The following PNPLA7 variants were observed in gnomAD, a reference collection of about 807,000 sequenced individuals.
PNPLA7 encodes the protein patatin-like phospholipase domain-containing protein 7.
In PNPLA7, 153 loss-of-function variants were observed where a neutral mutation model predicts 161.7. That is an observed-to-expected ratio of 0.95 (90% CI 0.83 to 1.08). PNPLA7 has a LOEUF of 1.08. Ranked by LOEUF, PNPLA7 falls within the 50% of genes least tolerant of loss-of-function variation. The pLI is 0.00. For synonymous variants in PNPLA7, 809 were observed against 782.1 expected (o/e 1.03, Z -0.57); for missense variants, 1,739 against 1,856.6 (o/e 0.94, Z 1.16).
At position 137,462,027 on chromosome 9, in the gene PNPLA7, C is replaced by T; in HGVS notation, c.3660G>A (p.Gln1220=). The T allele has an allele frequency of 1.3e-6, 2 of 1,597,246 alleles. No homozygotes were observed. The highest frequency in any genetic ancestry group is 8.5e-7 in the Non-Finnish European group (1 of 1,173,106). The part of the protein sequence containing the change: ...KFNEICEVGY[Q]HGRTVFDIWG... ...AGATGTCAAACACCGTGCGCCCGTG[C>T]TGGTAGCCCACTTCCTGTGCACACC... The change falls in exon 32 of 35, where the codon CAG becomes CAA. Residue 1220 remains glutamine (Q), a synonymous_variant. Coordinates refer to ENST00000406427, the MANE Select transcript of PNPLA7 (RefSeq NM_001098537.3).
chr9:137,526,707 T>C (rs1050249208), intron 8 of PNPLA7, among the ~76,000 whole-genome samples: 5 of 152,214 alleles, frequency 3.3e-5, no homozygotes, highest in South Asian at 2.1e-4. Flanking sequence ...AGTTTGCAGT[T>C]TTGGATGCTA....
At position 137,490,826 on chromosome 9, in the gene PNPLA7, C is replaced by T. The variant is rs1024786543; in HGVS notation, c.2197+2187G>A. Among the ~76,000 whole-genome samples the T allele has an allele frequency of 2.6e-5, 4 of 152,154 alleles. No homozygotes were observed. The highest frequency in any genetic ancestry group is 9.7e-5 in the African/African-American group (4 of 41,432). Reference sequence around the variant, plus strand: ...TGATGGCTGAAAGCGAAAGTTGTAGCCCTGTGTTTTTGGGGCTACAGTTTG... The same window carrying T: ...TGATGGCTGAAAGCGAAAGTTGTAGTCCTGTGTTTTTGGGGCTACAGTTTG... On this transcript the variant is annotated intron_variant, in intron 20 of 34. Coordinates refer to ENST00000406427, the MANE Select transcript of PNPLA7 (RefSeq NM_001098537.3). This position sits in a 1 kb window ranked among gnomAD's most constrained non-coding sequence, Gnocchi z 4.1.
intron 11 of PNPLA7, 117 bp downstream of exon 11, chr9:137,519,800 G>T: frequency 7.3e-7 from 1 of 1,361,364 alleles, no homozygotes; most frequent in Non-Finnish European, 9.9e-7. Context: ...GGTGACCCGG[G>T]GATGTGTGTG....
chr9:137,463,063 G>A (rs1345843311), intron 29 of PNPLA7: 1 of 649,198 alleles, frequency 1.5e-6, no homozygotes. Flanking sequence ...GGAGTGGCCT[G>A]GCCTGGCCCC....
At chr9:137,498,307 C>T (rs534991080) in intron 16 of PNPLA7, 62 bp from the exon 17 acceptor site, 11 of 1,589,360 alleles carry the variant, frequency 6.9e-6, no homozygotes, top group East Asian at 6.7e-5. Context: ...CGCCCAGGGC[C>T]GCAGTGCTCG....
chr9:137,463,149 G>T (rs954077327), intron 29 of PNPLA7: 4 of 587,370 alleles, frequency 6.8e-6, no homozygotes, highest in African/African-American at 1.9e-5. Flanking sequence ...CCAGTTCCTC[G>T]ACTTGGCCTT....
intron 12 of PNPLA7, among the ~76,000 whole-genome samples, chr9:137,513,806 C>T (rs1172103191): frequency 1.3e-5 from 2 of 152,218 alleles, no homozygotes; most frequent in Non-Finnish European, 2.9e-5. Context: ...CTACCTACAG[C>T]ACATAAAGAA....
At chr9:137,474,002 G>A (rs944086384) in intron 25 of PNPLA7, among the ~76,000 whole-genome samples, 1 of 152,200 alleles carries the variant, frequency 6.6e-6, no homozygotes, top group Non-Finnish European at 1.5e-5. Flanking sequence ...ACTTTGTGAG[G>A]CCGAGGTGGG....
At chr9:137,491,585 T>G in intron 20 of PNPLA7, 1 of 985,318 alleles carries the variant, frequency 1.0e-6, no homozygotes, top group South Asian at 4.7e-5. Context: ...CGTGTTAGTG[T>G]CCCCCCAAAT....
At position 137,461,592 on chromosome 9, in the gene PNPLA7, G is replaced by A. The variant is rs764934229; in HGVS notation, c.3785C>T (p.Thr1262Met). 9.3e-6 allele frequency: 15 copies of A among 1,612,638 alleles called. No homozygotes were observed. The highest frequency in any genetic ancestry group is 8.3e-5 in the Admixed American group (5 of 59,934). The change falls in exon 33 of 35, where the codon ACG becomes ATG. Residue 1262 changes from threonine (T) to methionine (M), a missense_variant. Coordinates refer to ENST00000406427, the MANE Select transcript of PNPLA7 (RefSeq NM_001098537.3). Reference sequence around the variant, plus strand: ...GCGAGACACAATTTCGGCAAGGTCCGTGAAGGAGGCGTTGGGACAGGTGAG... The same window carrying A: ...GCGAGACACAATTTCGGCAAGGTCCATGAAGGAGGCGTTGGGACAGGTGAG... ...AVLTCPNASF[T>M]DLAEIVSRIE... is the part of the protein sequence containing the mutation.
intron 21 of PNPLA7, among the ~76,000 whole-genome samples, chr9:137,484,269 A>G (rs1434017138): frequency 6.6e-6 from 1 of 152,210 alleles, no homozygotes; most frequent in East Asian, 1.9e-4. Context: ...AATTTTTAGC[A>G]TAACCTTAAA....
At chr9:137,471,437 A>G (rs1831698897) in intron 25 of PNPLA7, among the ~76,000 whole-genome samples, 1 of 152,028 alleles carries the variant, frequency 6.6e-6, no homozygotes, top group South Asian at 2.1e-4. Flanking sequence ...CGTCTCTACT[A>G]AAAATACAAA....
chr9:137,495,826 G>A (rs1833025675), intron 18 of PNPLA7, among the ~76,000 whole-genome samples: 1 of 152,212 alleles, frequency 6.6e-6, no homozygotes. Context: ...CCGGCATCCG[G>A]CCTGGAGTGT....
rs560039286 is a variant in PNPLA7, at chr9:137,468,308, C to T, written c.2883-835G>A. On this transcript the variant is annotated intron_variant, in intron 25 of 34. Coordinates refer to ENST00000406427, the MANE Select transcript of PNPLA7 (RefSeq NM_001098537.3). This position sits in a 1 kb window ranked among gnomAD's most constrained non-coding sequence, Gnocchi z 4.0. ...ATTACCAGTCATATGAGAAGAAAAG[C>T]CTCATATAGGCTTTCCTTTTGGCCT... Among the ~76,000 whole-genome samples the T allele has an allele frequency of 6.6e-6, 1 of 152,218 alleles. No homozygotes were observed. The highest frequency in any genetic ancestry group is 1.9e-4 in the East Asian group (1 of 5,168).
chr9:137,540,075 C>G lies in PNPLA7; in HGVS notation c.747+567G>C, dbSNP rs186327527. On this transcript the variant is annotated intron_variant, in intron 8 of 34. Coordinates refer to ENST00000406427, the MANE Select transcript of PNPLA7 (RefSeq NM_001098537.3). This position sits in a 1 kb window ranked among gnomAD's most constrained non-coding sequence, Gnocchi z 5.1. The stretch of plus-strand genomic sequence containing the variant: ...CTGGGATTACAGGTGTGAGCCACTG[C>G]GCCCGGCCCGGCAGCACCTTTCAAA... Among the ~76,000 whole-genome samples the G allele has an allele frequency of 6.6e-6, 1 of 152,310 alleles. No homozygotes were observed. Among genetic ancestry groups the G allele is most frequent in the African/African-American group, 2.4e-5 (1 of 41,560 alleles).
chr9:137,493,794 C>A (rs1038128792), intron 19 of PNPLA7, among the ~76,000 whole-genome samples: 2 of 152,258 alleles, frequency 1.3e-5, no homozygotes, highest in Non-Finnish European at 2.9e-5. Context: ...TGGCTCCCTG[C>A]TGTTCCCAGC....
intron 11 of PNPLA7, chr9:137,516,347 C>A: frequency 1.0e-6 from 1 of 984,720 alleles, no homozygotes; most frequent in South Asian, 4.7e-5. Flanking sequence ...ACCACACAGG[C>A]TGAAGGAGGC....
In PNPLA7 at chr9:137,486,868, C is replaced by T. The variant is rs568125689; in HGVS notation, c.2198-2132G>A. On this transcript the variant is annotated intron_variant, in intron 20 of 34. Transcript: ENST00000406427. The surrounding 1 kb of genome is among the most constrained non-coding windows in gnomAD (Gnocchi z 6.0). ...AGAGTCTGCAGCCTCAGCCCATCTG[C>T]GGTCCCTGAGAGCTGCTGGTGACCC... Among the ~76,000 whole-genome samples, 126 of 152,252 alleles carry T rather than the reference C, an allele frequency of 8.3e-4. No individual in the cohort carries two copies. In the South Asian group the frequency reaches 9.5e-3, roughly 12 times the overall value.
At chr9:137,502,347 C>T (rs1392699010) in intron 14 of PNPLA7, among the ~76,000 whole-genome samples, 3 of 152,044 alleles carry the variant, frequency 2.0e-5, no homozygotes, top group Admixed American at 1.3e-4. Context: ...AGAAGCCCCA[C>T]CCAGCATCTT....
Sources: gnomAD v4.1 joint callset for allele counts (sites outside exome capture counted in the v4.1 genomes callset) on GRCh38, gnomAD v4.1.1 for gene constraint, Gnocchi (gnomAD v3.1) non-coding constraint, MANE v1.5 for transcripts, NCBI Gene and HGNC (gene_info 2026-07-23, HGNC 2026-07-21) for gene names.